Variants in ALG8 observed in about 807,000 individuals in gnomAD.
ALG8 encodes dolichyl pyrophosphate Glc1Man9GlcNAc2 alpha-1,3-glucosyltransferase.
A neutral mutation model predicts 70.2 loss-of-function variants in ALG8; 48 were observed. That is an observed-to-expected ratio of 0.68 (90% CI 0.54 to 0.87). ALG8 has a LOEUF of 0.87. Among genes scored for constraint, ALG8 ranks in the 40% least tolerant of loss-of-function variants. ALG8 has a pLI of 0.00. For synonymous variants in ALG8, 234 were observed against 229.0 expected, an observed-to-expected ratio of 1.02 and a Z score of -0.20; for missense variants, 572 against 608.7, an observed-to-expected ratio of 0.94 and a Z score of 0.64.
At chr11:78,124,735 T>C (rs1860988739) in intron 2 of ALG8, among the ~76,000 whole-genome samples, 1 of 152,208 alleles carries the variant, frequency 6.6e-6, no homozygotes, top group Non-Finnish European at 1.5e-5. Flanking sequence ...TCCCTATTTG[T>C]AAAATGAGGT....
At chr11:78,104,171 A>T in intron 11 of ALG8, 119 bp from the exon 12 acceptor site, 1 of 932,224 alleles carries the variant, frequency 1.1e-6, no homozygotes, top group Non-Finnish European at 1.6e-6. Context: ...TTTTAAGTTT[A>T]ATTTTACATT....
chr11:78,109,225 C>A (rs1006979215), intron 9 of ALG8, among the ~76,000 whole-genome samples: 12 of 152,298 alleles, frequency 7.9e-5, no homozygotes, highest in African/African-American at 2.6e-4. Context: ...CTAACAGCCA[C>A]TGGCAAGAAT....
At chr11:78,138,381 A>C (rs1861639973) in intron 1 of ALG8, among the ~76,000 whole-genome samples, 1 of 151,864 alleles carries the variant, frequency 6.6e-6, no homozygotes, top group Admixed American at 6.6e-5. Flanking sequence ...AACAAAAAAA[A>C]CAACTCTGAG....
intron 10 of ALG8, among the ~76,000 whole-genome samples, chr11:78,105,700 A>C (rs1859995210): frequency 7.2e-6 from 1 of 138,040 alleles, no homozygotes; most frequent in South Asian, 2.4e-4. Flanking sequence ...ATTTATTTTA[A>C]CTATCTTTTT....
In ALG8 at chr11:78,106,943, A is replaced by G; in HGVS notation, c.1042T>C (p.Ser348Pro). 1 of 1,614,008 alleles carries G rather than the reference A, an allele frequency of 6.2e-7. No homozygotes were observed. Among genetic ancestry groups the G allele is most frequent in the South Asian group, 1.1e-5 (1 of 91,088 alleles). Residue 348 changes from serine to proline, a missense_variant, in exon 10 of 13, where the codon TCT becomes CCT. Transcript: ENST00000299626. ...GGTTTAAACCAAAGACAGAAAATAGAGGGCTAGAAACAACAGGCAAAGATA... is the reference window on the plus strand; with the variant it reads ...GGTTTAAACCAAAGACAGAAAATAGGGGGCTAGAAACAACAGGCAAAGATA... ...LICTLIAILP[S>P]IFCLWFKPQG...
At chr11:78,108,075 C>T (rs1202302013) in intron 9 of ALG8, among the ~76,000 whole-genome samples, 2 of 151,658 alleles carry the variant, frequency 1.3e-5, no homozygotes, top group African/African-American at 2.4e-5. Flanking sequence ...GTCAGGAGAT[C>T]GAGACCATCC....
chr11:78,116,944 T>C (rs1377703985), intron 5 of ALG8, among the ~76,000 whole-genome samples: 3 of 152,178 alleles, frequency 2.0e-5, no homozygotes, highest in Non-Finnish European at 2.9e-5. Flanking sequence ...TTATTTAAGA[T>C]CTGGGTAAGG....
intron 2 of ALG8, among the ~76,000 whole-genome samples, chr11:78,125,050 T>G (rs2136927630): frequency 6.6e-6 from 1 of 151,778 alleles, no homozygotes; most frequent in South Asian, 2.1e-4. Flanking sequence ...TTTTTTTTTT[T>G]GAGATGGAGT....
chr11:78,118,087 A>G (rs1211888497), intron 5 of ALG8, among the ~76,000 whole-genome samples: 1 of 150,520 alleles, frequency 6.6e-6, no homozygotes, highest in Non-Finnish European at 1.5e-5. Context: ...AAAAAAAAAG[A>G]AAAAAAAATA....
chr11:78,110,725 T>C (rs980933740), intron 8 of ALG8, among the ~76,000 whole-genome samples: 1 of 152,188 alleles, frequency 6.6e-6, no homozygotes, highest in Non-Finnish European at 1.5e-5. Flanking sequence ...TGAGCACCTA[T>C]AGGGCCTGTC....
intron 7 of ALG8, among the ~76,000 whole-genome samples, 169 bp downstream of exon 7, chr11:78,113,712 TAAACA>T (rs375080073): frequency 1.2e-4 from 2 of 16,996 alleles, no homozygotes; most frequent in East Asian, 3.3e-3. Context: ...GACTCCATCT[TAAACA>T]AAAACAAAAA....
At chr11:78,123,316 AAAAAAAAAAAAAAAAAAAAAG>A (rs1860909315) in intron 3 of ALG8, among the ~76,000 whole-genome samples, 1 of 19,488 alleles carries the variant, frequency 5.1e-5, no homozygotes, top group African/African-American at 1.0e-4. Flanking sequence ...GAAAAAAAAG[AAAAAAAAAAAAAAAAAAAAAG>A]AAAAAAAAGA....
At chr11:78,108,925 A>G (rs1193909296) in intron 9 of ALG8, among the ~76,000 whole-genome samples, 3 of 152,372 alleles carry the variant, frequency 2.0e-5, no homozygotes, top group Middle Eastern at 3.4e-3. Context: ...TTTAGAAATT[A>G]AAGTTTCTAA....
Position 78,121,177 on chromosome 11 carries a change from A to G in ALG8, c.369-3T>C. ...TTCCATCAATGCATTTACAGCACCTACATTGAAACATTAGGAAAGAAACAG... is the reference window on the plus strand; with the variant it reads ...TTCCATCAATGCATTTACAGCACCTGCATTGAAACATTAGGAAAGAAACAG... On this transcript the variant is annotated splice_region_variant and splice_polypyrimidine_tract_variant and intron_variant, in intron 3 of 12. Coordinates refer to ENST00000299626, the MANE Select transcript of ALG8 (RefSeq NM_024079.5). 1.3e-6 allele frequency: 2 copies of G among 1,595,424 alleles called. No individual in the cohort carries two copies. Among genetic ancestry groups the G allele is most frequent in the Non-Finnish European group, 1.7e-6 (2 of 1,163,554 alleles).
chr11:78,102,248 C>G (rs1206565366), intron 12 of ALG8, among the ~76,000 whole-genome samples: 1 of 152,214 alleles, frequency 6.6e-6, no homozygotes, highest in Admixed American at 6.5e-5. Flanking sequence ...CCTGTTCCCT[C>G]AACCTCTAAT....
chr11:78,112,651 G>A lies in ALG8; in HGVS notation c.897C>T (p.Ile299=), dbSNP rs886048686. The A allele has an allele frequency of 4.3e-6, 7 of 1,613,546 alleles. No individual in the cohort carries two copies. Among genetic ancestry groups the A allele is most frequent in the East Asian group, 4.5e-5 (2 of 44,856 alleles). Residue 299 remains isoleucine, a splice_region_variant and synonymous_variant, in exon 8 of 13, where the codon ATC becomes ATT. Transcript: ENST00000299626. ...AGTAAAAAATGCTCGCTACCATACC[G>A]ATGACAGACAGCACTTTGTCCAAAG... The part of the protein sequence containing the change: ...YNALDKVLSV[I]GLKLKFLDPN...
chr11:78,128,566 A>C (rs1361957305), intron 1 of ALG8, among the ~76,000 whole-genome samples: 1 of 151,282 alleles, frequency 6.6e-6, no homozygotes, highest in Non-Finnish European at 1.5e-5. Context: ...TCTTATGCAA[A>C]CTTTCTGGTT....
At chr11:78,124,928 C>T (rs761876323) in intron 2 of ALG8, among the ~76,000 whole-genome samples, 6 of 152,010 alleles carry the variant, frequency 3.9e-5, no homozygotes, top group Admixed American at 3.3e-4. Context: ...ATAAAATAAC[C>T]ACTAGTTAAA....
Position 78,112,638 on chromosome 11 carries a change from T to G in ALG8, c.898+12A>C. On this transcript the variant is annotated intron_variant, in intron 8 of 12. Coordinates refer to ENST00000299626, the MANE Select transcript of ALG8 (RefSeq NM_024079.5). ...TATTCAGAGTCTGAGTAAAAAATGC[T>G]CGCTACCATACCGATGACAGACAGC... 6.2e-7 allele frequency: 1 copy of G among 1,613,382 alleles called. No individual in the cohort carries two copies. Among genetic ancestry groups the G allele is most frequent in the Non-Finnish European group, 8.5e-7 (1 of 1,179,518 alleles).
Sources: allele counts gnomAD v4.1 joint callset (sites outside exome capture counted in the v4.1 genomes callset), GRCh38; gene constraint gnomAD v4.1.1; transcripts MANE v1.5; gene names NCBI Gene and HGNC (gene_info 2026-07-23, HGNC 2026-07-21).